Variants in ADAM20 observed in about 807,000 individuals in gnomAD.
ADAM20 encodes the protein ADAM metallopeptidase domain 20, also known as disintegrin and metalloproteinase domain-containing protein 20.
For synonymous variants in ADAM20, 305 were observed against 310.2 expected, an observed-to-expected ratio of 0.98 and a Z score of 0.18; for missense variants, 871 against 883.2, an observed-to-expected ratio of 0.99 and a Z score of 0.18.
At chr14:70,545,969 A>T in the ADAM20 span, among the ~76,000 whole-genome samples, 1 of 152,242 alleles carries the variant, frequency 6.6e-6, no homozygotes, top group African/African-American at 2.4e-5. Context: ...AACAAGTCTG[A>T]AAACATTCAA....
intron 1 of ADAM20, among the ~76,000 whole-genome samples, chr14:70,534,272 T>C (rs1883783491): frequency 6.6e-6 from 1 of 151,888 alleles, no homozygotes; most frequent in Non-Finnish European, 1.5e-5. Context: ...GAAAGTAAAA[T>C]GGCACAGCTG....
chr14:70,578,026 G>A, the ADAM20 span, among the ~76,000 whole-genome samples: 1 of 152,044 alleles, frequency 6.6e-6, no homozygotes, highest in Non-Finnish European at 1.5e-5. Context: ...TAATAAATTG[G>A]ACGTTAGAAA....
rs1883488662 is a variant in ADAM20 at position 70,523,051 on chromosome 14, C to A, written c.1707G>T (p.Val569=). The A allele has an allele frequency of 6.2e-7, 1 of 1,613,860 alleles. No individual in the cohort carries two copies. Among genetic ancestry groups the A allele is most frequent in the African/African-American group, 1.3e-5 (1 of 74,884 alleles). ...IMCGRVQCEN[V]GVIPNLIEHS... is the part of the protein sequence containing the mutation. ...GCTCTATCAGATTGGGAATTACTCCCACATTTTCACACTGAACCCTCCCAC... is the reference window on the plus strand; with the variant it reads ...GCTCTATCAGATTGGGAATTACTCCAACATTTTCACACTGAACCCTCCCAC... The change falls in exon 2 of 2, where the codon GTG becomes GTT. Residue 569 remains valine, a synonymous_variant. Coordinates refer to ENST00000256389, the MANE Select transcript of ADAM20 (RefSeq NM_003814.5).
At chr14:70,553,987 A>G in the ADAM20 span, among the ~76,000 whole-genome samples, 1 of 152,238 alleles carries the variant, frequency 6.6e-6, no homozygotes, top group Non-Finnish European at 1.5e-5. Flanking sequence ...GAAAGGAAGA[A>G]GTCAAATGAT....
At chr14:70,567,661 C>T in the ADAM20 span, among the ~76,000 whole-genome samples, 2 of 152,082 alleles carry the variant, frequency 1.3e-5, no homozygotes, top group South Asian at 4.2e-4. Context: ...GGGCCTAACT[C>T]GCCCTCCCTA....
the ADAM20 span, among the ~76,000 whole-genome samples, chr14:70,543,047 A>T: frequency 1.3e-5 from 2 of 152,222 alleles, no homozygotes; most frequent in African/African-American, 4.8e-5. Flanking sequence ...GATTTCTTTT[A>T]ATAAAAATGG....
intron 1 of ADAM20, 149 bp from the exon 2 acceptor site, chr14:70,525,082 A>G: frequency 1.5e-6 from 1 of 687,870 alleles, no homozygotes; most frequent in East Asian, 2.8e-5. Flanking sequence ...ATTTCCAGAT[A>G]GGGGAGATTG....
chr14:70,577,518 A>G, the ADAM20 span, among the ~76,000 whole-genome samples: 5 of 152,302 alleles, frequency 3.3e-5, no homozygotes, highest in South Asian at 1.0e-3. Context: ...GAACTAGAAC[A>G]CTAGAACAAA....
At chr14:70,560,879 A>G in the ADAM20 span, among the ~76,000 whole-genome samples, 1 of 152,208 alleles carries the variant, frequency 6.6e-6, no homozygotes, top group African/African-American at 2.4e-5. Flanking sequence ...ACCCAGCCTC[A>G]GGAAGTTCTT....
the ADAM20 span, among the ~76,000 whole-genome samples, chr14:70,544,300 G>A: frequency 9.9e-5 from 15 of 152,268 alleles, no homozygotes; most frequent in Middle Eastern, 3.4e-3. Flanking sequence ...CTGTTGAGCC[G>A]CTTTTCATGT....
At chr14:70,527,482 CT>C (rs1048260683) in intron 1 of ADAM20, among the ~76,000 whole-genome samples, 76 of 152,286 alleles carry the variant, frequency 5.0e-4, no homozygotes, top group African/African-American at 1.8e-3. Flanking sequence ...ACTCCCATGG[CT>C]ACCACCTTGC....
the ADAM20 span, among the ~76,000 whole-genome samples, chr14:70,555,903 G>C: frequency 6.6e-6 from 1 of 152,082 alleles, no homozygotes; most frequent in African/African-American, 2.4e-5. Flanking sequence ...CCTCTCCCTA[G>C]AATCCCAGCC....
At position 70,534,933 on chromosome 14, in the gene ADAM20, G is replaced by C. The variant is rs1883800175; in HGVS notation, c.-313C>G. On this transcript the variant is annotated 5_prime_UTR_variant, in exon 1 of 2. Transcript: ENST00000256389. The stretch of plus-strand genomic sequence containing the variant: ...ACAGACACAAGACTTGGTACTAGGA[G>C]TGATACCAAAAAAGAAAGATAAAAT... The C allele has an allele frequency of 6.6e-6, 1 of 152,134 alleles. No homozygotes were observed. Among genetic ancestry groups the C allele is most frequent in the Admixed American group, 6.5e-5 (1 of 15,274 alleles). The allele number at this position is 152,134 out of a possible 1,614,324, so 9.4% of individuals were successfully genotyped here.
Position 70,523,882 on chromosome 14 carries a change from T to C in ADAM20, c.876A>G (p.Gln292=). The C allele has an allele frequency of 6.2e-7, 1 of 1,613,964 alleles. No homozygotes were observed. The highest frequency in any genetic ancestry group is 2.2e-5 in the East Asian group (1 of 44,878). ...TTATGAAAAGATGTGCAACATCATG[T>C]TGTAGTCGATTATTAAGGTTATAAT... ...WKNYNLNNRL[Q]HDVAHLFIKD... The change falls in exon 2 of 2, where the codon CAA becomes CAG. Residue 292 remains glutamine (Q), a synonymous_variant. Transcript: ENST00000256389.
the ADAM20 span, among the ~76,000 whole-genome samples, chr14:70,559,613 T>C: frequency 6.6e-6 from 1 of 152,236 alleles, no homozygotes; most frequent in African/African-American, 2.4e-5. Flanking sequence ...TGTACAATGC[T>C]TTACAAGGTT....
the ADAM20 span, among the ~76,000 whole-genome samples, chr14:70,558,648 G>A: frequency 6.6e-6 from 1 of 152,004 alleles, no homozygotes; most frequent in African/African-American, 2.4e-5. Flanking sequence ...GTTCTTGGAA[G>A]TACAAGTTAT....
the ADAM20 span, among the ~76,000 whole-genome samples, chr14:70,572,615 A>C: frequency 6.6e-6 from 1 of 152,224 alleles, no homozygotes; most frequent in Non-Finnish European, 1.5e-5. Flanking sequence ...AATTCAACTG[A>C]AGAGCTTTAG....
upstream of ADAM20, among the ~76,000 whole-genome samples, chr14:70,536,188 A>G (rs977506918): frequency 6.6e-6 from 1 of 152,100 alleles, no homozygotes; most frequent in African/African-American, 2.4e-5. Context: ...AATTGGGGCC[A>G]GGCATGGTGG....
the ADAM20 span, among the ~76,000 whole-genome samples, chr14:70,575,615 T>C: frequency 6.6e-6 from 1 of 152,244 alleles, no homozygotes. Context: ...TATAAAGTTG[T>C]AAAATTTTGT....
Sources: gnomAD v4.1 joint callset for allele counts (sites outside exome capture counted in the v4.1 genomes callset) on GRCh38, gnomAD v4.1.1 for gene constraint, MANE v1.5 for transcripts, NCBI Gene and HGNC (gene_info 2026-07-23, HGNC 2026-07-21) for gene names.